The following ABL1 variants were observed in gnomAD, a reference collection of about 807,000 sequenced individuals.
The protein encoded by ABL1 is tyrosine-protein kinase ABL1.
ABL1 carries 11 observed loss-of-function variants against 94.7 expected under a neutral mutation model. The ratio of observed to expected loss-of-function variants is 0.12; its 90% CI spans 0.07 to 0.19. The LOEUF is 0.19. Ranked by LOEUF, ABL1 falls within the 10% of genes least tolerant of loss-of-function variation. ABL1 has a pLI of 1.00. For synonymous variants in ABL1, 656 were observed against 622.4 expected (o/e 1.05, Z -0.80); for missense variants, 1,082 against 1,489.4 (o/e 0.73, Z 4.50).
intron 1 of ABL1, among the ~76,000 whole-genome samples, chr9:130,801,674 T>C (rs1830057447): frequency 6.6e-6 from 1 of 152,236 alleles, no homozygotes; most frequent in Admixed American, 6.5e-5. Context: ...TTTTGGGTTG[T>C]GTCTTTTTGT....
At chr9:130,836,844 AAAG>A (rs1225252813) in intron 1 of ABL1, among the ~76,000 whole-genome samples, 4 of 148,556 alleles carry the variant, frequency 2.7e-5, no homozygotes, top group South Asian at 2.1e-4. Context: ...AAAAAAAAAA[AAAG>A]AGTAGAAAGA....
chr9:130,877,527 A>G (rs1384825235), intron 7 of ABL1, among the ~76,000 whole-genome samples: 2 of 147,860 alleles, frequency 1.4e-5, no homozygotes, highest in African/African-American at 5.2e-5. Flanking sequence ...CACATATCCC[A>G]GCAAGATGGT....
chr9:130,724,927 TG>T, intron 1 of ABL1: 1 of 368,798 alleles, frequency 2.7e-6, no homozygotes, highest in South Asian at 2.2e-5. Context: ...CTCTTGCGCT[TG>T]GCGGGGTAGC....
chr9:130,780,536 C>G (rs991808664), intron 1 of ABL1, among the ~76,000 whole-genome samples: 6 of 152,266 alleles, frequency 3.9e-5, no homozygotes. Context: ...TAGTGCTCAC[C>G]TCGTATCTGT....
intron 10 of ABL1, among the ~76,000 whole-genome samples, chr9:130,881,286 A>T (rs1366496324): frequency 1.3e-5 from 2 of 152,226 alleles, no homozygotes. Context: ...CAGAACCAGC[A>T]GTCCAGGTTC....
chr9:130,783,720 G>A (rs2772031), intron 1 of ABL1, among the ~76,000 whole-genome samples: 58,235 of 151,788 alleles, frequency 0.38, 11,483 homozygotes, highest in Middle Eastern at 0.45. Flanking sequence ...CAGTGGCGCA[G>A]TCTCCACTCA....
At chr9:130,781,385 C>T (rs973602686) in intron 1 of ABL1, among the ~76,000 whole-genome samples, 9 of 152,288 alleles carry the variant, frequency 5.9e-5, no homozygotes, top group South Asian at 2.1e-4. Context: ...CAGGCACACA[C>T]GCACTCTTAG....
At chr9:130,738,653 C>T (rs1026996886) in intron 1 of ABL1, among the ~76,000 whole-genome samples, 2 of 152,162 alleles carry the variant, frequency 1.3e-5, no homozygotes, top group African/African-American at 2.4e-5. Flanking sequence ...CCAGTGTCCT[C>T]GTGGAACTTA....
At chr9:130,790,465 T>TTTTATTTTA (rs1554764264) in intron 1 of ABL1, among the ~76,000 whole-genome samples, 2 of 147,908 alleles carry the variant, frequency 1.4e-5, no homozygotes, top group Admixed American at 6.8e-5. Context: ...TTCATTTTTA[T>TTTTATTTTA]TTTATTTATT....
rs1056011082 is a variant in ABL1 at position 130,887,644 on chromosome 9, A to AT, written c.*1967dup. On this transcript the variant is annotated 3_prime_UTR_variant, in exon 11 of 11. Coordinates refer to ENST00000318560, the MANE Select transcript of ABL1 (RefSeq NM_005157.6). ...TGAATCCAAATCTGTCCTCTGTAGT[A>AT]TTTTTTAAATAAATCAGTGTTTACA... 2.7e-5 allele frequency: 6 copies of AT among 225,536 alleles called. No homozygotes were observed. Among genetic ancestry groups the AT allele is most frequent in the African/African-American group, 1.3e-4 (6 of 44,656 alleles). 14.0% of individuals were successfully genotyped at this position (225,536 alleles called of 1,614,324 possible).
chr9:130,819,347 C>T (rs1482038590), intron 1 of ABL1, among the ~76,000 whole-genome samples: 2 of 151,722 alleles, frequency 1.3e-5, no homozygotes, highest in Non-Finnish European at 2.9e-5. Context: ...GAGCGAGACT[C>T]CATCTCAAAA....
At chr9:130,856,076 C>G (rs1830969626) in intron 3 of ABL1, among the ~76,000 whole-genome samples, 2 of 152,078 alleles carry the variant, frequency 1.3e-5, no homozygotes, top group South Asian at 2.1e-4. Context: ...CCACCATGCC[C>G]AGCTGTTTTT....
chr9:130,851,016 C>T lies in ABL1; in HGVS notation c.80-3048C>T, dbSNP rs1176311212. On this transcript the variant is annotated intron_variant, in intron 1 of 10. Coordinates refer to ENST00000318560, the MANE Select transcript of ABL1 (RefSeq NM_005157.6). ...TCGGCTCCCTGCAAGCTCCGCCTCC[C>T]GGGTTCACGCCATTCTCCTGCCTCA... Among the ~76,000 whole-genome samples the T allele has an allele frequency of 4.6e-5, 7 of 151,604 alleles. No individual in the cohort carries two copies. In the South Asian group the frequency reaches 8.4e-4, roughly 18 times the overall value.
At chr9:130,866,867 G>A (rs1831165856) in intron 4 of ABL1, among the ~76,000 whole-genome samples, 3 of 152,272 alleles carry the variant, frequency 2.0e-5, no homozygotes, top group East Asian at 1.9e-4. Flanking sequence ...GTGGGGGAAC[G>A]GGGTCTCACT....
At chr9:130,760,267 C>T (rs1832093840) in intron 1 of ABL1, among the ~76,000 whole-genome samples, 1 of 152,150 alleles carries the variant, frequency 6.6e-6, no homozygotes, top group Non-Finnish European at 1.5e-5. Flanking sequence ...GTAGCTCCCT[C>T]CTTAACATCA....
rs1244805702 is a variant in ABL1 at position 130,880,203 on chromosome 9, C to T, written c.1513+46C>T. The T allele has an allele frequency of 2.6e-6, 4 of 1,561,046 alleles. No individual in the cohort carries two copies. Among genetic ancestry groups the T allele is most frequent in the East Asian group, 4.5e-5 (2 of 44,640 alleles). On this transcript the variant is annotated intron_variant, in intron 9 of 10. Coordinates refer to ENST00000318560, the MANE Select transcript of ABL1 (RefSeq NM_005157.6). This position sits in a 1 kb window ranked among gnomAD's most constrained non-coding sequence, Gnocchi z 4.4. ...TACCTGCAGTGGGGTGAAAGGGCAGCCATGTGGGACTGCAGCCTGGGTCAT... is the reference window on the plus strand; with the variant it reads ...TACCTGCAGTGGGGTGAAAGGGCAGTCATGTGGGACTGCAGCCTGGGTCAT...
chr9:130,828,911 G>A (rs1830460873), intron 1 of ABL1, among the ~76,000 whole-genome samples: 1 of 152,102 alleles, frequency 6.6e-6, no homozygotes, highest in African/African-American at 2.4e-5. Flanking sequence ...ATAAATCTCT[G>A]GATTTATGAG....
intron 4 of ABL1, among the ~76,000 whole-genome samples, chr9:130,867,857 C>T (rs944306994): frequency 1.3e-5 from 2 of 151,994 alleles, no homozygotes; most frequent in Admixed American, 6.5e-5. Flanking sequence ...GGTGGTCTCT[C>T]CTGGGCTTTC....
At chr9:130,861,441 C>G (rs1442354271) in intron 3 of ABL1, among the ~76,000 whole-genome samples, 6 of 152,154 alleles carry the variant, frequency 3.9e-5, no homozygotes, top group African/African-American at 1.4e-4. Flanking sequence ...TCTTTGCTAC[C>G]TTCTTTTAAA....
Sources: gnomAD v4.1 joint callset for allele counts (sites outside exome capture counted in the v4.1 genomes callset) on GRCh38, gnomAD v4.1.1 for gene constraint, Gnocchi (gnomAD v3.1) non-coding constraint, MANE v1.5 for transcripts, NCBI Gene and HGNC (gene_info 2026-07-23, HGNC 2026-07-21) for gene names.